Variants in IMMP2L observed in about 807,000 individuals in gnomAD.
The protein encoded by IMMP2L is mitochondrial inner membrane protease subunit 2.
IMMP2L carries 18 observed loss-of-function variants against 19.3 expected under a neutral mutation model. That is an observed-to-expected ratio of 0.93 (90% CI 0.64 to 1.38). The LOEUF is 1.38. IMMP2L is among the 40% of genes most tolerant of loss of function. The pLI is 0.00. For missense variants in IMMP2L, 233 were observed against 218.2 expected (o/e 1.07, Z -0.43); for synonymous variants, 76 against 73.0 (o/e 1.04, Z -0.21).
intron 3 of IMMP2L, among the ~76,000 whole-genome samples, chr7:111,010,651 G>C (rs554986087): frequency 1.3e-5 from 2 of 152,096 alleles, no homozygotes; most frequent in Non-Finnish European, 2.9e-5. Flanking sequence ...ATTTTGCACA[G>C]AAAGAAACTG....
chr7:111,543,637 A>C (rs1848669512), intron 1 of IMMP2L, among the ~76,000 whole-genome samples: 1 of 152,218 alleles, frequency 6.6e-6, no homozygotes, highest in Non-Finnish European at 1.5e-5. Context: ...GCAAATGTAT[A>C]GCCTTTATAT....
At chr7:110,672,604 G>C (rs1791997123) in intron 5 of IMMP2L, among the ~76,000 whole-genome samples, 1 of 152,150 alleles carries the variant, frequency 6.6e-6, no homozygotes, top group African/African-American at 2.4e-5. Context: ...AAGCAAGTTA[G>C]TTACGTCCTA....
intron 3 of IMMP2L, among the ~76,000 whole-genome samples, chr7:111,454,195 C>T (rs1021998918): frequency 1.3e-5 from 2 of 151,968 alleles, no homozygotes; most frequent in African/African-American, 2.4e-5. Context: ...TGCAGTGATG[C>T]GATCGCAACT....
At chr7:110,673,501 C>T (rs1012985245) in intron 5 of IMMP2L, among the ~76,000 whole-genome samples, 5 of 152,190 alleles carry the variant, frequency 3.3e-5, no homozygotes, top group Non-Finnish European at 7.3e-5. Context: ...TGAATTTTTC[C>T]CAAGAAAATG....
chr7:111,462,949 G>C (rs1333846465), intron 3 of IMMP2L, among the ~76,000 whole-genome samples: 1 of 152,018 alleles, frequency 6.6e-6, no homozygotes, highest in African/African-American at 2.4e-5. Context: ...TATTCTGCAG[G>C]GTTGCCATAA....
In IMMP2L at chr7:111,071,476, G is replaced by GA. The variant is rs571117891; in HGVS notation, c.240-107912dup. Among the ~76,000 whole-genome samples, 64 of 151,988 alleles carry GA rather than the reference G, an allele frequency of 4.2e-4. 1 individual carries two copies. In the East Asian group the frequency reaches 0.012, roughly 28 times the overall value. The stretch of plus-strand genomic sequence containing the variant: ...GCACTATTTATAATAGTCAGAACAT[G>GA]AAAAAAAGAAACAAATATCTGTCGA... On this transcript the variant is annotated intron_variant, in intron 3 of 5. Coordinates refer to ENST00000405709, the MANE Select transcript of IMMP2L (RefSeq NM_032549.4).
At chr7:110,742,897 C>A (rs1436804961) in intron 5 of IMMP2L, among the ~76,000 whole-genome samples, 1 of 152,156 alleles carries the variant, frequency 6.6e-6, no homozygotes, top group African/African-American at 2.4e-5. Flanking sequence ...TTTCTCTCCC[C>A]CTCTTTCACA....
chr7:110,750,497 T>G (rs1029942554), intron 5 of IMMP2L, among the ~76,000 whole-genome samples: 1 of 152,144 alleles, frequency 6.6e-6, no homozygotes, highest in Non-Finnish European at 1.5e-5. Context: ...TGCATTTATC[T>G]TTATATATTT....
intron 3 of IMMP2L, among the ~76,000 whole-genome samples, chr7:111,464,851 C>T (rs1329533518): frequency 1.3e-5 from 2 of 152,010 alleles, no homozygotes; most frequent in Admixed American, 6.6e-5. Context: ...TGCAGTGGTG[C>T]GACCTCGCCT....
At chr7:111,508,517 A>C (rs1845145442) in intron 2 of IMMP2L, among the ~76,000 whole-genome samples, 1 of 152,178 alleles carries the variant, frequency 6.6e-6, no homozygotes, top group South Asian at 2.1e-4. Flanking sequence ...AGAATTTAAC[A>C]GGCGAAAAAG....
At chr7:111,027,876 G>T (rs765446561) in intron 3 of IMMP2L, among the ~76,000 whole-genome samples, 4 of 151,852 alleles carry the variant, frequency 2.6e-5, no homozygotes, top group Non-Finnish European at 5.9e-5. Flanking sequence ...AGACTAAAGC[G>T]GTATTATTGT....
At chr7:110,765,836 C>A (rs1036933518) in intron 5 of IMMP2L, among the ~76,000 whole-genome samples, 1 of 152,046 alleles carries the variant, frequency 6.6e-6, no homozygotes, top group Non-Finnish European at 1.5e-5. Flanking sequence ...AAATTTAACA[C>A]GTCTTTTTTA....
intron 4 of IMMP2L, among the ~76,000 whole-genome samples, chr7:110,953,325 C>T (rs1818024287): frequency 6.6e-6 from 1 of 151,434 alleles, no homozygotes; most frequent in African/African-American, 2.4e-5. Context: ...TTGTCCCCCA[C>T]CCCCCGACAG....
chr7:110,933,789 T>G (rs2129552057), intron 4 of IMMP2L, among the ~76,000 whole-genome samples: 1 of 152,278 alleles, frequency 6.6e-6, no homozygotes, highest in East Asian at 1.9e-4. Context: ...TTTTCAGATT[T>G]ATTTTCCTAT....
At chr7:111,046,495 A>G (rs980627703) in intron 3 of IMMP2L, among the ~76,000 whole-genome samples, 8 of 152,138 alleles carry the variant, frequency 5.3e-5, no homozygotes, top group African/African-American at 1.9e-4. Context: ...AAAGTCAAGA[A>G]GGAAAACAAA....
At chr7:111,189,517 T>C (rs1026341657) in intron 3 of IMMP2L, among the ~76,000 whole-genome samples, 1 of 151,950 alleles carries the variant, frequency 6.6e-6, no homozygotes, top group African/African-American at 2.4e-5. Flanking sequence ...ACTCTACTCA[T>C]AGATTATACT....
intron 5 of IMMP2L, among the ~76,000 whole-genome samples, chr7:110,871,044 T>C (rs1365382221): frequency 1.3e-5 from 2 of 151,906 alleles, no homozygotes. Flanking sequence ...TCTAGGACGT[T>C]GGTGGAAGAG....
At chr7:111,153,371 G>A (rs969824405) in intron 3 of IMMP2L, among the ~76,000 whole-genome samples, 1 of 152,052 alleles carries the variant, frequency 6.6e-6, no homozygotes, top group African/African-American at 2.4e-5. Flanking sequence ...AATCAGAACA[G>A]TGCAGTAGTT....
intron 3 of IMMP2L, among the ~76,000 whole-genome samples, chr7:110,994,133 CT>C (rs532276576): frequency 1.5e-4 from 23 of 149,332 alleles, no homozygotes; most frequent in South Asian, 1.3e-3. Flanking sequence ...TACTCTCTCT[CT>C]TTTTTTTTTC....
Sources: allele counts gnomAD v4.1 joint callset (sites outside exome capture counted in the v4.1 genomes callset), GRCh38; gene constraint gnomAD v4.1.1; transcripts MANE v1.5; gene names NCBI Gene and HGNC (gene_info 2026-07-23, HGNC 2026-07-21).